LAMA2: variants seen among roughly 807,000 people sequenced by gnomAD.
LAMA2 encodes the protein laminin subunit alpha 2.
In LAMA2, 269 loss-of-function variants were observed where a neutral mutation model predicts 364.8. The ratio of observed to expected loss-of-function variants is 0.74; its 90% CI spans 0.67 to 0.82. LAMA2 has a LOEUF of 0.82. Among genes scored for constraint, LAMA2 ranks in the 40% least tolerant of loss-of-function variants. LAMA2 has a pLI of 0.00. For synonymous variants in LAMA2, 1,379 were observed against 1,370.6 expected, an observed-to-expected ratio of 1.01 and a Z score of -0.14; for missense variants, 3,807 against 3,873.2, an observed-to-expected ratio of 0.98 and a Z score of 0.45.
chr6:129,428,440 G>T (rs952177424), intron 41 of LAMA2, among the ~76,000 whole-genome samples: 14 of 152,244 alleles, frequency 9.2e-5, no homozygotes, highest in African/African-American at 3.4e-4. Context: ...TCTCTAAAAA[G>T]AAAAACAAAA....
At chr6:129,378,326 A>G (rs71568950) in intron 34 of LAMA2, among the ~76,000 whole-genome samples, 1 of 152,240 alleles carries the variant, frequency 6.6e-6, no homozygotes, top group African/African-American at 2.4e-5. Flanking sequence ...TTCATTCATA[A>G]CATTATCAAT....
At chr6:129,052,623 A>G (rs748717831) in intron 2 of LAMA2, among the ~76,000 whole-genome samples, 1 of 152,104 alleles carries the variant, frequency 6.6e-6, no homozygotes, top group Non-Finnish European at 1.5e-5. Context: ...ATGAACCTAC[A>G]TTGACAACAG....
intron 49 of LAMA2, among the ~76,000 whole-genome samples, chr6:129,461,927 A>G (rs1783273695): frequency 6.6e-6 from 1 of 152,006 alleles, no homozygotes. Flanking sequence ...GCATAATAAA[A>G]GTCCCTTTAA....
intron 1 of LAMA2, among the ~76,000 whole-genome samples, chr6:129,047,098 G>A (rs774075859): frequency 3.9e-5 from 6 of 152,008 alleles, no homozygotes; most frequent in Non-Finnish European, 7.4e-5. Flanking sequence ...AGATAATGGC[G>A]TGGAGACCAT....
intron 56 of LAMA2, among the ~76,000 whole-genome samples, chr6:129,489,398 G>C (rs1226520292): frequency 6.6e-6 from 1 of 151,902 alleles, no homozygotes; most frequent in African/African-American, 2.4e-5. Flanking sequence ...AGTCACTTTG[G>C]TATCTAATTT....
chr6:129,049,695 A>T (rs996117994), intron 1 of LAMA2, among the ~76,000 whole-genome samples: 1 of 152,192 alleles, frequency 6.6e-6, no homozygotes, highest in African/African-American at 2.4e-5. Context: ...AATTAAAAAG[A>T]GGCTTAAAGT....
At chr6:129,466,307 A>G (rs1783540226) in intron 51 of LAMA2, among the ~76,000 whole-genome samples, 1 of 151,908 alleles carries the variant, frequency 6.6e-6, no homozygotes, top group Non-Finnish European at 1.5e-5. Flanking sequence ...GAGACACTTG[A>G]GTCAAACAGA....
chr6:128,931,642 CT>C (rs1779486112), intron 1 of LAMA2, among the ~76,000 whole-genome samples: 1 of 152,134 alleles, frequency 6.6e-6, no homozygotes, highest in African/African-American at 2.4e-5. Context: ...TGGGTCACAG[CT>C]TGTGGGATCA....
chr6:128,966,731 G>A (rs1781867095), intron 1 of LAMA2, among the ~76,000 whole-genome samples: 1 of 152,116 alleles, frequency 6.6e-6, no homozygotes, highest in Admixed American at 6.6e-5. Flanking sequence ...ATTAGAAAAA[G>A]CAGGTCAATG....
At chr6:129,355,556 G>T (rs947524085) in intron 32 of LAMA2, among the ~76,000 whole-genome samples, 7 of 152,116 alleles carry the variant, frequency 4.6e-5, no homozygotes, top group Admixed American at 4.6e-4. Flanking sequence ...TGATCTGCAG[G>T]ACCTGTTTTA....
At chr6:129,445,861 A>G in intron 45 of LAMA2, 40 bp downstream of exon 45, 1 of 1,554,012 alleles carries the variant, frequency 6.4e-7, no homozygotes, top group Non-Finnish European at 8.9e-7. Context: ...ACTGATTGTA[A>G]TTGTTGGATT....
intron 35 of LAMA2, among the ~76,000 whole-genome samples, chr6:129,388,700 C>T (rs1300453490): frequency 2.0e-5 from 3 of 152,192 alleles, no homozygotes; most frequent in South Asian, 2.1e-4. Context: ...CGCGCGCACA[C>T]ACACATATTC....
At chr6:129,442,182 T>A in intron 43 of LAMA2, 5 of 1,315,662 alleles carry the variant, frequency 3.8e-6, no homozygotes, top group Non-Finnish European at 5.0e-6. Flanking sequence ...CAAATGCTGT[T>A]TGAGTGGGGA....
At chr6:129,447,069 T>C (rs1324383695) in intron 45 of LAMA2, among the ~76,000 whole-genome samples, 1 of 152,166 alleles carries the variant, frequency 6.6e-6, no homozygotes, top group African/African-American at 2.4e-5. Context: ...TACTTCAAGG[T>C]TTGAAGTTTT....
intron 61 of LAMA2, 151 bp downstream of exon 61, chr6:129,505,506 A>ATTTGTTTG (rs558876015): frequency 1.4e-6 from 1 of 691,406 alleles, no homozygotes; most frequent in Admixed American, 2.4e-5. Flanking sequence ...TTTGTTGTTT[A>ATTTGTTTG]TTTGTTTGTT....
At chr6:129,078,167 C>G (rs1313787385) in intron 3 of LAMA2, among the ~76,000 whole-genome samples, 3 of 150,624 alleles carry the variant, frequency 2.0e-5, no homozygotes, top group South Asian at 2.1e-4. Context: ...CAAAGTCTTG[C>G]TGTGTCGCTC....
chr6:129,354,472 C>G (rs942545623), intron 32 of LAMA2, among the ~76,000 whole-genome samples: 1 of 151,942 alleles, frequency 6.6e-6, no homozygotes, highest in African/African-American at 2.4e-5. Flanking sequence ...CACACTAATT[C>G]TTCCCAAGTA....
At chr6:129,328,935 T>A (rs964833173) in intron 29 of LAMA2, among the ~76,000 whole-genome samples, 1 of 152,258 alleles carries the variant, frequency 6.6e-6, no homozygotes, top group Admixed American at 6.5e-5. Context: ...TTAAAATCTT[T>A]ACGATCTTTG....
At chr6:129,371,989 G>A (rs988278607) in intron 34 of LAMA2, among the ~76,000 whole-genome samples, 2 of 152,154 alleles carry the variant, frequency 1.3e-5, no homozygotes, top group Non-Finnish European at 2.9e-5. Context: ...ATTGTCTCAT[G>A]CTATGTTTTT....
Sources: allele counts gnomAD v4.1 joint callset (sites outside exome capture counted in the v4.1 genomes callset), GRCh38; gene constraint gnomAD v4.1.1; transcripts MANE v1.5; gene names NCBI Gene and HGNC (gene_info 2026-07-23, HGNC 2026-07-21).